Variants in RCCD1 observed in about 807,000 individuals in gnomAD.
RCCD1 encodes RCC1 domain containing 1.
RCCD1 carries 40 observed loss-of-function variants against 37.6 expected under a neutral mutation model. The observed-to-expected ratio is 1.06, with a 90% confidence interval of 0.83 to 1.39. RCCD1 has a LOEUF of 1.39. Ranked by LOEUF, RCCD1 falls within the 40% of genes most tolerant of loss-of-function variation. The pLI is 0.00. For synonymous variants in RCCD1, 263 were observed against 230.0 expected (o/e 1.14, Z -1.30); for missense variants, 577 against 517.3 (o/e 1.12, Z -1.12).
chr15:90,957,200 T>G lies in RCCD1; in HGVS notation c.254T>G (p.Val85Gly). ...TGGGCCTCGGAGGGGCTCCTCGCGGTGCTGCGCGCCGGGCCGGGGCCGGAG... is the reference window on the plus strand; with the variant it reads ...TGGGCCTCGGAGGGGCTCCTCGCGGGGCTGCGCGCCGGGCCGGGGCCGGAG... ...DAWASEGLLA[V>G]LRAGPGPEAL... The change falls in exon 3 of 8, where the codon GTG becomes GGG. Residue 85 changes from valine (V) to glycine (G), a missense_variant. Transcript: ENST00000394258. The G allele has an allele frequency of 1.4e-5, 19 of 1,404,396 alleles. No individual in the cohort carries two copies. Among genetic ancestry groups the G allele is most frequent in the Non-Finnish European group, 1.3e-5 (14 of 1,083,830 alleles). 87.0% of individuals were successfully genotyped at this position (1,404,396 alleles called of 1,614,324 possible). A position where few individuals can be genotyped will look rare whatever the true frequency, so the allele number is the denominator to read the frequency against.
chr15:90,958,460 C>CT (rs1214145219), intron 4 of RCCD1, among the ~76,000 whole-genome samples: 16 of 151,684 alleles, frequency 1.1e-4, no homozygotes, highest in Non-Finnish European at 2.1e-4. Flanking sequence ...AACCCCGTCT[C>CT]TAAAAAAAAA....
In RCCD1 at chr15:90,956,922, C is replaced by T. The variant is rs1029782913; in HGVS notation, c.166+22C>T. On this transcript the variant is annotated intron_variant, in intron 2 of 7. Coordinates refer to ENST00000394258, the MANE Select transcript of RCCD1 (RefSeq NM_001017919.2). ...ACCCGTGAGCACTCCCCGCCCCGTC[C>T]CCACTTATTCCAGCCGCGCTCCCCA... is the stretch of plus-strand genomic sequence containing the variant. 4.7e-6 allele frequency: 6 copies of T among 1,273,456 alleles called. No individual in the cohort carries two copies. The African/African-American group carries it at 7.7e-5, about 16-fold the overall frequency. 78.9% of individuals were successfully genotyped at this position (1,273,456 alleles called of 1,614,324 possible).
intron 4 of RCCD1, among the ~76,000 whole-genome samples, chr15:90,958,033 G>A (rs2037238396): frequency 6.6e-6 from 1 of 152,220 alleles, no homozygotes; most frequent in South Asian, 2.1e-4. Context: ...AGTATGGAGT[G>A]TGAGGGGGCA....
Position 90,958,936 on chromosome 15 carries a change from T to TAA in RCCD1, c.680-949_680-948dup, listed in dbSNP as rs3036308. Among the ~76,000 whole-genome samples, 169 of 107,764 alleles carry TAA rather than the reference T, an allele frequency of 1.6e-3. 1 individual carries two copies. Among genetic ancestry groups the TAA allele is most frequent in the Non-Finnish European group, 3.2e-3 (151 of 47,628 alleles). 70.7% of individuals were successfully genotyped at this position (107,764 alleles called of 152,430 possible). The stretch of plus-strand genomic sequence containing the variant: ...GTGACAGAGTGAGACTCTGTCTGTC[T>TAA]AAAAAAAAAAAAAAAACAAAAAAAA... On this transcript the variant is annotated intron_variant, in intron 4 of 7. Transcript: ENST00000394258.
intron 7 of RCCD1, chr15:90,961,294 T>A: frequency 1.7e-6 from 1 of 593,602 alleles, no homozygotes; most frequent in Non-Finnish European, 3.0e-6. Flanking sequence ...TGAAAGACTG[T>A]CTTAAGGGAG....
chr15:90,957,371 C>T lies in RCCD1; in HGVS notation c.425C>T (p.Ala142Val), dbSNP rs1487169839. ...GRLPLLPCAR[A>V]YVSPRAPFYR... ...CTACCCCTGCTGCCCTGCGCCCGTG[C>T]CTACGTGAGCCCGCGGGCGCCCTTC... Residue 142 changes from alanine to valine, a missense_variant, in exon 3 of 8, where the codon GCC becomes GTC. Ala to Val is a moderately conservative substitution (Grantham distance 64). Coordinates refer to ENST00000394258, the MANE Select transcript of RCCD1 (RefSeq NM_001017919.2). 1 of 1,545,508 alleles carries T rather than the reference C, an allele frequency of 6.5e-7. No individual in the cohort carries two copies. The highest frequency in any genetic ancestry group is 2.0e-5 in the Admixed American group (1 of 50,930).
intron 4 of RCCD1, among the ~76,000 whole-genome samples, chr15:90,959,342 CA>C (rs1487819150): frequency 6.6e-6 from 1 of 152,216 alleles, no homozygotes; most frequent in Non-Finnish European, 1.5e-5. Flanking sequence ...CTGTTCCAAC[CA>C]AAAAGCTCCA....
intron 1 of RCCD1, chr15:90,955,373 C>T (rs934783482): frequency 2.0e-5 from 3 of 152,294 alleles, no homozygotes; most frequent in South Asian, 4.1e-4. Flanking sequence ...GGCGGCCGCT[C>T]TGCGCCTCGG....
At position 90,957,600 on chromosome 15, in the gene RCCD1, T is replaced by G; in HGVS notation, c.558-4T>G. 6.2e-7 allele frequency: 1 copy of G among 1,614,004 alleles called. No individual in the cohort carries two copies. On this transcript the variant is annotated splice_region_variant and splice_polypyrimidine_tract_variant and intron_variant, in intron 3 of 7. Transcript: ENST00000394258. ...TGTAGCTGACGACGGTCTCCCTTGCTCAGGCATGGACAGCTGGGCCATGGG... is the reference window on the plus strand; with the variant it reads ...TGTAGCTGACGACGGTCTCCCTTGCGCAGGCATGGACAGCTGGGCCATGGG...
At chr15:90,959,239 T>G (rs2037266191) in intron 4 of RCCD1, among the ~76,000 whole-genome samples, 2 of 152,346 alleles carry the variant, frequency 1.3e-5, no homozygotes, top group Non-Finnish European at 2.9e-5. Context: ...ATTGTGAGAA[T>G]TAAGTGATTA....
At chr15:90,956,945 C>G (rs1047445160) in intron 2 of RCCD1, 45 bp downstream of exon 2, 81 of 1,267,812 alleles carry the variant, frequency 6.4e-5, no homozygotes, top group Non-Finnish European at 7.9e-5. Context: ...GCCGCGCTCC[C>G]CAGTCGCCTC....
At position 90,960,484 on chromosome 15, in the gene RCCD1, C is replaced by G; in HGVS notation, c.935C>G (p.Thr312Arg). The change falls in exon 6 of 8, where the codon ACA becomes AGA. Residue 312 changes from threonine (T) to arginine (R), a missense_variant. Thr to Arg is a moderately conservative substitution (Grantham distance 71). Transcript: ENST00000394258. ...AAGGCCAGCTGTGGATCCCGGCACACAGCTGTGGTGACACGTGAGTGGGGC... is the reference window on the plus strand; with the variant it reads ...AAGGCCAGCTGTGGATCCCGGCACAGAGCTGTGGTGACACGTGAGTGGGGC... ...AVKASCGSRH[T>R]AVVTRTGELY... is the part of the protein sequence containing the mutation. 6.2e-7 allele frequency: 1 copy of G among 1,609,774 alleles called. No individual in the cohort carries two copies.
chr15:90,955,794 G>T (rs561557198), intron 1 of RCCD1: 1 of 151,846 alleles, frequency 6.6e-6, no homozygotes, highest in East Asian at 1.9e-4. Context: ...CCCATTTAAC[G>T]GTTAGCTCCT....
intron 5 of RCCD1, 98 bp from the exon 6 acceptor site, chr15:90,960,230 G>T: frequency 7.8e-7 from 1 of 1,276,400 alleles, no homozygotes; most frequent in Non-Finnish European, 1.1e-6. Context: ...GAGCTAGGCA[G>T]TCGTGTACCT....
chr15:90,959,655 A>C, intron 4 of RCCD1: 1 of 331,684 alleles, frequency 3.0e-6, no homozygotes, highest in Admixed American at 4.6e-5. Context: ...ATGAGGGGCT[A>C]TTTGGCAGCA....
Position 90,961,844 on chromosome 15 carries a change from A to C in RCCD1, c.*75A>C. 1 of 1,483,990 alleles carries C rather than the reference A, an allele frequency of 6.7e-7. No individual in the cohort carries two copies. Among genetic ancestry groups the C allele is most frequent in the African/African-American group, 1.4e-5 (1 of 71,614 alleles). 91.9% of individuals were successfully genotyped at this position (1,483,990 alleles called of 1,614,324 possible). A position where few individuals can be genotyped will look rare whatever the true frequency, so the allele number is the denominator to read the frequency against. ...CAAGGAAAACCATTGCCTGCACCCC[A>C]AGGGCCCCATATTTGCCCCTCCCCA... On this transcript the variant is annotated 3_prime_UTR_variant, in exon 8 of 8. Transcript: ENST00000394258.
chr15:90,957,492 G>T lies in RCCD1; in HGVS notation c.546G>T (p.Trp182Cys), dbSNP rs560752707. ...ACGCTGCTGGCCAGGTGTTCTCCTG[G>T]GGCGGGGGCAGGTGAGCGGAGGCGG... ...LLDAAGQVFS[W>C]GGGRHGQLGH... The change falls in exon 3 of 8, where the codon TGG (tryptophan) becomes TGT (cysteine). Residue 182 changes from tryptophan (W) to cysteine (C), a missense_variant. Transcript: ENST00000394258. The T allele has an allele frequency of 6.4e-7, 1 of 1,557,486 alleles. No homozygotes were observed. The highest frequency in any genetic ancestry group is 8.7e-7 in the Non-Finnish European group (1 of 1,154,630).
intron 4 of RCCD1, 79 bp from the exon 5 acceptor site, chr15:90,959,821 C>G: frequency 9.0e-7 from 1 of 1,113,028 alleles, no homozygotes; most frequent in Non-Finnish European, 1.3e-6. Flanking sequence ...TCCCCAGGAG[C>G]GGATGCGATG....
Position 90,960,450 on chromosome 15 carries a change from G to C in RCCD1, c.901G>C (p.Asp301His). 1.2e-6 allele frequency: 2 copies of C among 1,613,078 alleles called. No individual in the cohort carries two copies. The change falls in exon 6 of 8, where the codon GAT becomes CAT. Residue 301 changes from aspartate to histidine, a missense_variant. By Grantham distance (81) the Asp-to-His change is moderately conservative. Transcript: ENST00000394258. ...ATTACTGGATCTCCCCATGGGCTCA[G>C]ATGCAGTCAAGGCCAGCTGTGGATC... ...PALLDLPMGS[D>H]AVKASCGSRH...
Sources: allele counts gnomAD v4.1 joint callset (sites outside exome capture counted in the v4.1 genomes callset), GRCh38; gene constraint gnomAD v4.1.1; transcripts MANE v1.5; gene names NCBI Gene and HGNC (gene_info 2026-07-23, HGNC 2026-07-21).